Variants in SLC2A9 observed in about 807,000 individuals in gnomAD.
SLC2A9 encodes solute carrier family 2, facilitated glucose transporter member 9.
Under a neutral mutation model 50.6 loss-of-function variants are expected in SLC2A9, and 39 were observed. That is an observed-to-expected ratio of 0.77 (90% CI 0.60 to 1.01). The LOEUF (loss-of-function observed/expected upper bound fraction) is 1.01. SLC2A9 is among the 50% of genes least tolerant of loss of function. SLC2A9 has a pLI of 0.00. For synonymous variants in SLC2A9, 324 were observed against 276.9 expected, an observed-to-expected ratio of 1.17 and a Z score of -1.69; for missense variants, 686 against 677.6, an observed-to-expected ratio of 1.01 and a Z score of -0.14.
At chr4:9,931,545 C>T (rs1008220685) in intron 6 of SLC2A9, among the ~76,000 whole-genome samples, 3 of 152,068 alleles carry the variant, frequency 2.0e-5, no homozygotes, top group African/African-American at 4.8e-5. Flanking sequence ...CCCTTCAAGG[C>T]GAGTGTGTTT....
chr4:9,840,691 C>A (rs1348649276), intron 10 of SLC2A9, among the ~76,000 whole-genome samples: 1 of 152,112 alleles, frequency 6.6e-6, no homozygotes, highest in Non-Finnish European at 1.5e-5. Flanking sequence ...CTACCTAGAA[C>A]CCTGAGGAAA....
chr4:9,881,174 G>A (rs1311672251), intron 10 of SLC2A9, among the ~76,000 whole-genome samples: 1 of 152,060 alleles, frequency 6.6e-6, no homozygotes, highest in Non-Finnish European at 1.5e-5. Context: ...ATTCAGCCAG[G>A]GTTTAAAAAC....
At chr4:9,887,780 A>T (rs1271378834) in intron 9 of SLC2A9, 138 bp from the exon 10 acceptor site, 8 of 512,080 alleles carry the variant, frequency 1.6e-5, no homozygotes, top group Non-Finnish European at 2.3e-5. Flanking sequence ...CAGCTTCAGC[A>T]TCTATAACAT....
At chr4:9,871,081 T>C (rs1733354302) in intron 10 of SLC2A9, among the ~76,000 whole-genome samples, 2 of 152,168 alleles carry the variant, frequency 1.3e-5, no homozygotes, top group Admixed American at 1.3e-4. Flanking sequence ...TGTGCCTGGC[T>C]TGGAAGATAA....
chr4:9,997,116 A>T (rs1206138752), intron 2 of SLC2A9, among the ~76,000 whole-genome samples, 175 bp from the exon 3 acceptor site: 1 of 152,324 alleles, frequency 6.6e-6, no homozygotes, highest in East Asian at 1.9e-4. Context: ...AGAGCAGAAG[A>T]TGTTAATCTT....
At chr4:9,908,443 A>T in intron 7 of SLC2A9, 98 bp from the exon 8 acceptor site, 2 of 823,582 alleles carry the variant, frequency 2.4e-6, no homozygotes, top group African/African-American at 1.7e-5. Context: ...TCTGGATTAA[A>T]CTCAGAGTCC....
intron 6 of SLC2A9, among the ~76,000 whole-genome samples, chr4:9,931,913 A>G (rs1260215476): frequency 6.4e-5 from 1 of 15,690 alleles, no homozygotes; most frequent in African/African-American, 3.2e-4. Context: ...AATGAGAATG[A>G]CTCTCTCTCT....
upstream of SLC2A9, among the ~76,000 whole-genome samples, chr4:10,022,698 C>A (rs3756232): frequency 1.1e-3 from 174 of 152,264 alleles, 4 homozygotes; most frequent in East Asian, 0.022. Flanking sequence ...TAGCAAAGTA[C>A]GTTTAGTAAA....
At chr4:9,885,798 T>G (rs1457318978) in intron 10 of SLC2A9, among the ~76,000 whole-genome samples, 2 of 152,202 alleles carry the variant, frequency 1.3e-5, no homozygotes, top group African/African-American at 4.8e-5. Context: ...TAAATAAAGT[T>G]TTACTGGGAC....
intron 3 of SLC2A9, among the ~76,000 whole-genome samples, chr4:9,792,111 T>C (rs2108887344): frequency 6.6e-6 from 1 of 151,686 alleles, no homozygotes; most frequent in Non-Finnish European, 1.5e-5. Flanking sequence ...AAGCCTGTGC[T>C]CATTTCTCTA....
intron 3 of SLC2A9, among the ~76,000 whole-genome samples, chr4:9,816,540 A>C (rs1298792910): frequency 1.3e-5 from 2 of 152,206 alleles, no homozygotes; most frequent in Admixed American, 6.5e-5. Context: ...TTCTCACCAC[A>C]CATAAAAAGA....
downstream of SLC2A9, among the ~76,000 whole-genome samples, chr4:9,779,023 C>G: frequency 6.6e-6 from 1 of 152,096 alleles, no homozygotes; most frequent in East Asian, 1.9e-4. Context: ...GCCTCACCCT[C>G]CCACAGTGCT....
At chr4:9,935,342 C>A (rs1400583468) in intron 6 of SLC2A9, among the ~76,000 whole-genome samples, 4 of 152,318 alleles carry the variant, frequency 2.6e-5, no homozygotes, top group Non-Finnish European at 5.9e-5. Flanking sequence ...TCTGTGCTGT[C>A]TCACTGTCCC....
rs150393914 is a variant in SLC2A9, at chr4:9,785,293, C to G, written n.386-5228G>C. ...TGATGCATATGTTAATGGATGGGGTCTCTGGTGAAATAAGTTCAGCAAACC... is the reference window on the plus strand; with the variant it reads ...TGATGCATATGTTAATGGATGGGGTGTCTGGTGAAATAAGTTCAGCAAACC... On this transcript the variant is annotated intron_variant and non_coding_transcript_variant, in intron 3 of 3. Transcript: ENST00000503803. Among the ~76,000 whole-genome samples, 434 of 152,270 alleles carry G rather than the reference C, an allele frequency of 2.9e-3. 4 individuals carry two copies. The highest frequency in any genetic ancestry group is 9.4e-3 in the African/African-American group (391 of 41,554).
chr4:9,942,072 T>G (rs771777198), intron 5 of SLC2A9, 27 bp from the exon 6 acceptor site: 9 of 1,613,560 alleles, frequency 5.6e-6, no homozygotes, highest in Non-Finnish European at 7.6e-6. Flanking sequence ...TGCTGCTGAG[T>G]GCAGTGGCCT....
At chr4:9,783,525 A>G (rs1718813819) in intron 3 of SLC2A9, 1 of 1,451,712 alleles carries the variant, frequency 6.9e-7, no homozygotes, top group South Asian at 1.3e-5. Flanking sequence ...AAGCACGCAC[A>G]CACACGCAAA....
chr4:9,886,817 C>T (rs1736358653), intron 10 of SLC2A9, among the ~76,000 whole-genome samples: 1 of 152,296 alleles, frequency 6.6e-6, no homozygotes, highest in Non-Finnish European at 1.5e-5. Context: ...CTGGAGGTCC[C>T]TGCTGGACGT....
At chr4:10,021,172 C>T in intron 1 of SLC2A9, 108 bp downstream of exon 1, 3 of 1,188,904 alleles carry the variant, frequency 2.5e-6, no homozygotes, top group South Asian at 1.2e-5. Context: ...GCCCCAGATC[C>T]CCCAGCTACA....
chr4:9,783,568 T>C, intron 3 of SLC2A9: 1 of 1,083,294 alleles, frequency 9.2e-7, no homozygotes, highest in East Asian at 2.6e-5. Flanking sequence ...CCCTTTATCA[T>C]GTGTTTCTGT....
Sources: allele counts gnomAD v4.1 joint callset (sites outside exome capture counted in the v4.1 genomes callset), GRCh38; gene constraint gnomAD v4.1.1; transcripts MANE v1.5; gene names NCBI Gene and HGNC (gene_info 2026-07-23, HGNC 2026-07-21).